The following UBE2G1 variants were observed in gnomAD, a reference collection of about 807,000 sequenced individuals.
UBE2G1 encodes the protein ubiquitin-conjugating enzyme E2 G1.
UBE2G1 carries 5 observed loss-of-function variants against 22.7 expected under a neutral mutation model. The ratio of observed to expected loss-of-function variants is 0.22; its 90% CI spans 0.12 to 0.46. The LOEUF is 0.46. UBE2G1 is among the 20% of genes least tolerant of loss of function. The pLI is 0.99. For synonymous variants in UBE2G1, 74 were observed against 67.5 expected, an observed-to-expected ratio of 1.10 and a Z score of -0.47; for missense variants, 88 against 203.9, an observed-to-expected ratio of 0.43 and a Z score of 3.46.
chr17:4,311,762 C>CT (rs1969312889), intron 1 of UBE2G1, among the ~76,000 whole-genome samples: 2 of 152,306 alleles, frequency 1.3e-5, no homozygotes, highest in South Asian at 2.1e-4. Context: ...GAGTGGTACA[C>CT]TTTAACACCA....
intron 5 of UBE2G1, 27 bp downstream of exon 5, chr17:4,282,771 A>T (rs563333652): frequency 1.4e-6 from 2 of 1,476,840 alleles, no homozygotes; most frequent in Non-Finnish European, 1.8e-6. Context: ...CAAAAAAACA[A>T]AAGTATGATA....
At chr17:4,356,155 AG>A (rs1166400562) in intron 1 of UBE2G1, among the ~76,000 whole-genome samples, 1 of 148,926 alleles carries the variant, frequency 6.7e-6, no homozygotes, top group Non-Finnish European at 1.5e-5. Context: ...CAGGAGTTCG[AG>A]AACAGCCTGA....
intron 1 of UBE2G1, among the ~76,000 whole-genome samples, chr17:4,362,189 T>C (rs557106053): frequency 2.0e-4 from 31 of 152,290 alleles, no homozygotes; most frequent in African/African-American, 7.5e-4. Context: ...ACCGCTCAAT[T>C]TGCAAAGGAG....
chr17:4,296,309 C>T (rs960705844), intron 3 of UBE2G1, among the ~76,000 whole-genome samples: 1 of 152,194 alleles, frequency 6.6e-6, no homozygotes, highest in African/African-American at 2.4e-5. Flanking sequence ...GCTGCCCAGG[C>T]TGGAGTGCAG....
intron 1 of UBE2G1, among the ~76,000 whole-genome samples, chr17:4,340,282 T>C (rs1183997217): frequency 6.6e-6 from 1 of 152,194 alleles, no homozygotes; most frequent in East Asian, 1.9e-4. Flanking sequence ...CCTAAACTGA[T>C]ACTGAGGTTC....
At chr17:4,323,897 T>A (rs944593398) in intron 1 of UBE2G1, among the ~76,000 whole-genome samples, 1 of 152,168 alleles carries the variant, frequency 6.6e-6, no homozygotes, top group Non-Finnish European at 1.5e-5. Flanking sequence ...GGAAATTTGT[T>A]ACATAGATAT....
At chr17:4,331,688 T>C (rs992481545) in intron 1 of UBE2G1, 8 of 152,184 alleles carry the variant, frequency 5.3e-5, no homozygotes, top group Admixed American at 2.6e-4. Flanking sequence ...ACCAGGTGGA[T>C]TGCCCATGGC....
intron 1 of UBE2G1, among the ~76,000 whole-genome samples, chr17:4,361,049 CCT>C (rs1468732931): frequency 6.6e-6 from 1 of 151,540 alleles, no homozygotes; most frequent in South Asian, 2.1e-4. Flanking sequence ...ACGGCGAAAC[CCT>C]GTCTCAACTA....
rs1968769516 is a variant in UBE2G1 at position 4,272,264 on chromosome 17, T to C, written c.*290A>G. ...TATTTGTGGATGTACATGAACAGTA[T>C]ATATATTATCCGGATCATGTTGTGC... On this transcript the variant is annotated 3_prime_UTR_variant, in exon 6 of 6. Transcript: ENST00000396981. 1 of 148,888 alleles carries C rather than the reference T, an allele frequency of 6.7e-6. No individual in the cohort carries two copies. The allele number at this position is 148,888 out of a possible 1,614,324, so 9.2% of individuals were successfully genotyped here.
chr17:4,277,253 G>A lies in UBE2G1; in HGVS notation c.*38-4737C>T, dbSNP rs538670823. ...TGCACCCCAGTTGAGTCAACACCTT[G>A]ACCACAGCCTTATGAGAGACCCGGA... On this transcript the variant is annotated intron_variant, in intron 5 of 5. Coordinates refer to ENST00000396981, the MANE Select transcript of UBE2G1 (RefSeq NM_003342.5). 3.4e-4 allele frequency among the ~76,000 whole-genome samples: 52 copies of A among 152,280 alleles called. 1 individual carries two copies. Among genetic ancestry groups the A allele is most frequent in the South Asian group, 8.3e-4 (4 of 4,828 alleles).
At chr17:4,325,730 A>T in intron 1 of UBE2G1, among the ~76,000 whole-genome samples, 1 of 152,250 alleles carries the variant, frequency 6.6e-6, no homozygotes, top group East Asian at 1.9e-4. Flanking sequence ...ACAAAACGAC[A>T]ATAATCAAAA....
intron 4 of UBE2G1, 111 bp downstream of exon 4, chr17:4,289,119 A>ACACACACACT (rs1356793381): frequency 1.2e-6 from 1 of 802,648 alleles, no homozygotes; most frequent in African/African-American, 1.8e-5. Flanking sequence ...ACACACACAC[A>ACACACACACT]CACACACACA....
intron 1 of UBE2G1, among the ~76,000 whole-genome samples, chr17:4,307,875 G>C (rs1969265416): frequency 6.6e-6 from 1 of 152,160 alleles, no homozygotes; most frequent in African/African-American, 2.4e-5. Context: ...CTGGCAAGGT[G>C]GGGGCACACA....
At chr17:4,274,645 T>G (rs900730230) in intron 5 of UBE2G1, among the ~76,000 whole-genome samples, 5 of 152,174 alleles carry the variant, frequency 3.3e-5, no homozygotes, top group African/African-American at 1.2e-4. Context: ...TACCAATCAA[T>G]GTAAATGGCC....
chr17:4,353,462 T>TATACACAC (rs990958855), intron 1 of UBE2G1, among the ~76,000 whole-genome samples: 4 of 148,196 alleles, frequency 2.7e-5, no homozygotes, highest in Admixed American at 2.0e-4. Context: ...TATATATATA[T>TATACACAC]ACACACACAC....
Position 4,287,347 on chromosome 17 carries a change from C to G in UBE2G1, c.426+1883G>C, listed in dbSNP as rs1968976943. On this transcript the variant is annotated intron_variant, in intron 4 of 5. Transcript: ENST00000396981. ...TCGAACTCCTGACCTTGTGATCTGC[C>G]CACCTCGGCCTCCCAAACGGCTGGG... 3.3e-5 allele frequency among the ~76,000 whole-genome samples: 5 copies of G among 151,656 alleles called. 1 individual carries two copies. In the South Asian group the frequency reaches 1.0e-3, roughly 32 times the overall value.
chr17:4,320,800 T>C (rs1969427960), intron 1 of UBE2G1, among the ~76,000 whole-genome samples: 1 of 152,178 alleles, frequency 6.6e-6, no homozygotes, highest in Non-Finnish European at 1.5e-5. Context: ...ATCATCCTTG[T>C]ATAACTGATG....
intron 3 of UBE2G1, among the ~76,000 whole-genome samples, chr17:4,295,759 T>G (rs1969102425): frequency 6.6e-6 from 1 of 151,666 alleles, no homozygotes; most frequent in Non-Finnish European, 1.5e-5. Context: ...TTATTTTACT[T>G]TATAGAGAAT....
At chr17:4,325,333 G>A (rs1360726561) in intron 1 of UBE2G1, among the ~76,000 whole-genome samples, 1 of 152,098 alleles carries the variant, frequency 6.6e-6, no homozygotes, top group Non-Finnish European at 1.5e-5. Context: ...TATTTCAGTA[G>A]TTTTAAAACT....
Sources: allele counts gnomAD v4.1 joint callset (sites outside exome capture counted in the v4.1 genomes callset), GRCh38; gene constraint gnomAD v4.1.1; transcripts MANE v1.5; gene names NCBI Gene and HGNC (gene_info 2026-07-23, HGNC 2026-07-21).